RGS7: variants seen among roughly 807,000 people sequenced by gnomAD.
RGS7 encodes the protein regulator of G-protein signaling 7.
Under a neutral mutation model 81.1 loss-of-function variants are expected in RGS7, and 27 were observed. That is an observed-to-expected ratio of 0.33 (90% CI 0.25 to 0.46). The LOEUF (loss-of-function observed/expected upper bound fraction) is 0.46. RGS7 is among the 20% of genes least tolerant of loss of function. RGS7 has a pLI of 1.00. For missense variants in RGS7, 396 were observed against 607.4 expected (o/e 0.65, Z 3.66); for synonymous variants, 208 against 207.7 (o/e 1.00, Z -0.01).
At chr1:241,270,910 C>A (rs1477929770) in intron 2 of RGS7, among the ~76,000 whole-genome samples, 1 of 166 alleles carries the variant, frequency 6.0e-3, no homozygotes, top group Non-Finnish European at 0.012. Context: ...AGGAGCCCAC[C>A]ACCACGCCCG....
At chr1:240,893,193 A>T (rs2148154503) in intron 6 of RGS7, among the ~76,000 whole-genome samples, 1 of 152,272 alleles carries the variant, frequency 6.6e-6, no homozygotes, top group African/African-American at 2.4e-5. Flanking sequence ...AGGCTTTCCT[A>T]AACTGGCAAT....
At chr1:241,247,778 T>C (rs2076620127) in intron 2 of RGS7, among the ~76,000 whole-genome samples, 1 of 152,194 alleles carries the variant, frequency 6.6e-6, no homozygotes, top group African/African-American at 2.4e-5. Flanking sequence ...ATAAGATATA[T>C]GTCCTCATGA....
intron 2 of RGS7, among the ~76,000 whole-genome samples, chr1:241,284,472 A>T (rs760269020): frequency 3.3e-5 from 5 of 152,082 alleles, no homozygotes; most frequent in Non-Finnish European, 5.9e-5. Context: ...TAACCTGGCA[A>T]TAAAGTCCTG....
chr1:241,085,653 C>T (rs867222616), intron 3 of RGS7, among the ~76,000 whole-genome samples: 1 of 152,038 alleles, frequency 6.6e-6, no homozygotes. Context: ...AGGCTGGTCT[C>T]GAACTCCTGA....
At chr1:240,778,251 G>A (rs182989630) in intron 18 of RGS7, among the ~76,000 whole-genome samples, 17 of 152,290 alleles carry the variant, frequency 1.1e-4, no homozygotes, top group South Asian at 6.2e-4. Context: ...TCACCCTTGA[G>A]ATTAGGATTT....
rs75851670 is a variant in RGS7, at chr1:241,236,915, C to A, written c.78+118784G>T. Among the ~76,000 whole-genome samples, 82 of 152,272 alleles carry A rather than the reference C, an allele frequency of 5.4e-4. 1 individual carries two copies. The highest frequency in any genetic ancestry group is 9.7e-4 in the East Asian group (5 of 5,180). On this transcript the variant is annotated intron_variant, in intron 2 of 18. Transcript: ENST00000440928. ...GCTTTGTTAATATTACAAAGTAAAG[C>A]AATCTTCTTTCTTCCCAACAGCATT...
At chr1:241,264,334 C>T (rs1456524409) in intron 2 of RGS7, among the ~76,000 whole-genome samples, 3 of 152,110 alleles carry the variant, frequency 2.0e-5, no homozygotes, top group Non-Finnish European at 2.9e-5. Context: ...CCCATCTCTA[C>T]TAAAGATACA....
At chr1:241,013,908 C>T (rs1340950424) in intron 3 of RGS7, among the ~76,000 whole-genome samples, 1 of 152,184 alleles carries the variant, frequency 6.6e-6, no homozygotes, top group African/African-American at 2.4e-5. Context: ...CAAGAGTCAG[C>T]ATATTAATGG....
At chr1:241,083,056 C>T (rs917402636) in intron 3 of RGS7, among the ~76,000 whole-genome samples, 17 of 151,754 alleles carry the variant, frequency 1.1e-4, no homozygotes, top group African/African-American at 4.1e-4. Context: ...GAAACCCTGT[C>T]TCTACTAAAA....
chr1:241,082,036 A>G (rs12074214), intron 3 of RGS7, among the ~76,000 whole-genome samples: 2,017 of 152,272 alleles, frequency 0.013, 34 homozygotes, highest in African/African-American at 0.046. Flanking sequence ...ATGTTGATAG[A>G]CATATTTATG....
At chr1:240,791,971 A>G (rs768302659) in intron 18 of RGS7, among the ~76,000 whole-genome samples, 3 of 152,234 alleles carry the variant, frequency 2.0e-5, no homozygotes, top group Non-Finnish European at 4.4e-5. Context: ...TCTGCAAGGT[A>G]CTGTGCCAAA....
intron 2 of RGS7, among the ~76,000 whole-genome samples, chr1:241,341,487 G>T (rs10802949): frequency 0.36 from 55,384 of 151,858 alleles, 10,223 homozygotes; most frequent in Non-Finnish European, 0.37. Context: ...AAAGGCTACA[G>T]GGAGTTACAT....
intron 3 of RGS7, among the ~76,000 whole-genome samples, chr1:241,089,235 A>G (rs1466579994): frequency 6.6e-6 from 1 of 150,872 alleles, no homozygotes; most frequent in Admixed American, 6.6e-5. Flanking sequence ...CTCTATAGCT[A>G]GAATCAAGAG....
At chr1:240,817,198 C>G (rs1690960322) in intron 10 of RGS7, among the ~76,000 whole-genome samples, 1 of 152,120 alleles carries the variant, frequency 6.6e-6, no homozygotes, top group Admixed American at 6.5e-5. Context: ...TCTCACGTGT[C>G]AACTCAAGGA....
intron 6 of RGS7, among the ~76,000 whole-genome samples, chr1:240,878,121 C>A (rs1203541003): frequency 6.6e-6 from 1 of 152,134 alleles, no homozygotes. Context: ...CTCTCCTTTC[C>A]GTCTCTGGAG....
intron 2 of RGS7, among the ~76,000 whole-genome samples, chr1:241,277,043 T>G (rs904079223): frequency 3.3e-5 from 5 of 152,228 alleles, no homozygotes; most frequent in Non-Finnish European, 7.3e-5. Flanking sequence ...AGCATCCTAC[T>G]GTTTTTTACT....
intron 3 of RGS7, among the ~76,000 whole-genome samples, chr1:241,077,359 A>G (rs901499015): frequency 6.6e-6 from 1 of 152,176 alleles, no homozygotes; most frequent in Non-Finnish European, 1.5e-5. Flanking sequence ...AAAAATGGCT[A>G]ACTGGATAAA....
At chr1:241,227,399 G>A (rs1405580248) in intron 2 of RGS7, among the ~76,000 whole-genome samples, 3 of 151,950 alleles carry the variant, frequency 2.0e-5, no homozygotes, top group Admixed American at 6.6e-5. Context: ...TCTCTGAGGC[G>A]GCAGGCAATT....
At chr1:241,151,114 G>A (rs1218387794) in intron 2 of RGS7, among the ~76,000 whole-genome samples, 1 of 152,134 alleles carries the variant, frequency 6.6e-6, no homozygotes, top group Non-Finnish European at 1.5e-5. Flanking sequence ...CAGTCCACTG[G>A]CGCACATGCT....
Sources: allele counts gnomAD v4.1 joint callset (sites outside exome capture counted in the v4.1 genomes callset), GRCh38; gene constraint gnomAD v4.1.1; transcripts MANE v1.5; gene names NCBI Gene and HGNC (gene_info 2026-07-23, HGNC 2026-07-21).